DNAH8: variants seen among roughly 807,000 people sequenced by gnomAD.
DNAH8 encodes the protein axonemal beta dynein heavy chain 8.
A neutral mutation model predicts 562.1 loss-of-function variants in DNAH8; 382 were observed. That is an observed-to-expected ratio of 0.68 (90% CI 0.63 to 0.74). The LOEUF is 0.74. DNAH8 is among the 30% of genes least tolerant of loss of function. DNAH8 has a pLI of 0.00. For missense variants in DNAH8, 5,203 were observed against 5,620.4 expected (o/e 0.93, Z 2.37); for synonymous variants, 1,881 against 1,919.4 (o/e 0.98, Z 0.52).
At chr6:39,024,602 A>G (rs909885610) in intron 91 of DNAH8, among the ~76,000 whole-genome samples, 1 of 152,202 alleles carries the variant, frequency 6.6e-6, no homozygotes, top group African/African-American at 2.4e-5. Flanking sequence ...TGAGGTGGGA[A>G]GATCACTTGA....
At chr6:38,960,085 C>CCTAT (rs1762509740) in intron 82 of DNAH8, among the ~76,000 whole-genome samples, 1 of 151,862 alleles carries the variant, frequency 6.6e-6, no homozygotes, top group Non-Finnish European at 1.5e-5. Context: ...GAAACTAGAC[C>CCTAT]CTATCTCTCA....
At position 38,909,675 on chromosome 6, in the gene DNAH8, G is replaced by A. The variant is rs775998449; in HGVS notation, c.9671G>A (p.Arg3224Lys). 6.2e-6 allele frequency: 10 copies of A among 1,613,996 alleles called. No homozygotes were observed. The highest frequency in any genetic ancestry group is 5.1e-6 in the Non-Finnish European group (6 of 1,179,984). The change falls in exon 65 of 93, where the codon AGA becomes AAA. Residue 3224 changes from arginine (R) to lysine (K), a missense_variant. This residue lies in a region of DNAH8 where 977 missense variants were observed against 1,061.8 expected (regional missense o/e 0.92). Transcript: ENST00000327475. ...YNIVCSSEIK[R>K]QVVETMGLFH... ...ATTGTCTGCTCTAGTGAAATTAAAA[G>A]ACAAGTTGTAGAAACAATGGGCCTG...
chr6:38,918,723 G>A (rs1472342673), intron 70 of DNAH8, among the ~76,000 whole-genome samples: 1 of 152,172 alleles, frequency 6.6e-6, no homozygotes, highest in African/African-American at 2.4e-5. Flanking sequence ...GCCAAAGCTG[G>A]TCTTCATGGA....
At chr6:38,972,182 G>C (rs1583481204) in intron 83 of DNAH8, 1 of 152,188 alleles carries the variant, frequency 6.6e-6, no homozygotes, top group Non-Finnish European at 1.5e-5. Flanking sequence ...AAATACACAG[G>C]ACATTAATTT....
chr6:38,861,944 A>G (rs1583208701), intron 43 of DNAH8, among the ~76,000 whole-genome samples: 1 of 100,238 alleles, frequency 1.0e-5, no homozygotes, highest in Non-Finnish European at 2.1e-5. Context: ...AAACATGAAA[A>G]CCAGGTTTTT....
chr6:39,022,453 G>A (rs1766983994), intron 91 of DNAH8, among the ~76,000 whole-genome samples: 1 of 152,158 alleles, frequency 6.6e-6, no homozygotes, highest in South Asian at 2.1e-4. Context: ...CAGGCTTGGT[G>A]ACCAACCCTT....
intron 82 of DNAH8, among the ~76,000 whole-genome samples, chr6:38,971,308 T>C (rs1358321818): frequency 6.6e-6 from 1 of 152,122 alleles, no homozygotes; most frequent in Non-Finnish European, 1.5e-5. Context: ...TGTTCCTCAT[T>C]GTCTCCAAAG....
At chr6:38,935,519 C>T (rs1782877882) in intron 76 of DNAH8, 73 bp from the exon 77 acceptor site, 4 of 1,006,014 alleles carry the variant, frequency 4.0e-6, no homozygotes, top group Non-Finnish European at 5.9e-6. Flanking sequence ...TGTTAATAAA[C>T]ACTAGTGAGT....
At chr6:38,866,026 CTACTTT>C (rs1777005612) in intron 45 of DNAH8, among the ~76,000 whole-genome samples, 1 of 152,174 alleles carries the variant, frequency 6.6e-6, no homozygotes, top group Admixed American at 6.5e-5. Context: ...CTGTCTGTCT[CTACTTT>C]TGTCCATTTC....
chr6:38,959,380 T>TG (rs1762467438), intron 82 of DNAH8, among the ~76,000 whole-genome samples: 1 of 152,044 alleles, frequency 6.6e-6, no homozygotes, highest in South Asian at 2.1e-4. Flanking sequence ...ACCCTACAGA[T>TG]GCCACCAAAG....
At position 38,737,889 on chromosome 6, in the gene DNAH8, G is replaced by T; in HGVS notation, c.1033G>T (p.Glu345Ter). ...TTTTTCCAAACTGCACACCTTTGAA[G>T]AAGTAACTGCTGCAGCCAGCAACTC... ...VNFSKLHTFE[E>*]VTAAASNSET... The change falls in exon 7 of 93, where the codon GAA becomes TAA. Residue 345 changes from glutamate to a stop codon, truncating the protein, a stop_gained. Transcript: ENST00000327475. LOFTEE classifies it high-confidence loss of function. The T allele has an allele frequency of 6.2e-7, 1 of 1,604,756 alleles. No individual in the cohort carries two copies. The highest frequency in any genetic ancestry group is 8.5e-7 in the Non-Finnish European group (1 of 1,176,592).
chr6:38,788,539 T>G (rs1769404835), intron 18 of DNAH8, among the ~76,000 whole-genome samples: 1 of 152,212 alleles, frequency 6.6e-6, no homozygotes, highest in South Asian at 2.1e-4. Context: ...TGGCTGGTGA[T>G]TTTTGAGCAT....
intron 85 of DNAH8, among the ~76,000 whole-genome samples, chr6:38,976,086 G>A (rs1365061158): frequency 6.6e-6 from 1 of 152,220 alleles, no homozygotes; most frequent in Admixed American, 6.5e-5. Flanking sequence ...GTTACCAGTG[G>A]AGTGTCCAGG....
intron 7 of DNAH8, among the ~76,000 whole-genome samples, chr6:38,739,233 G>A (rs1229290935): frequency 6.6e-6 from 1 of 151,904 alleles, no homozygotes; most frequent in African/African-American, 2.4e-5. Flanking sequence ...GTTTCATTTG[G>A]TATAGTGCCT....
chr6:38,890,472 T>C (rs922686478), intron 57 of DNAH8, among the ~76,000 whole-genome samples, 180 bp from the exon 58 acceptor site: 2 of 152,186 alleles, frequency 1.3e-5, no homozygotes, highest in African/African-American at 4.8e-5. Flanking sequence ...ATAAAACACT[T>C]ATCACTGCGT....
intron 91 of DNAH8, among the ~76,000 whole-genome samples, chr6:39,019,946 G>A (rs1374978214): frequency 6.6e-6 from 1 of 152,152 alleles, no homozygotes; most frequent in Non-Finnish European, 1.5e-5. Context: ...CAACCTGGCG[G>A]AAGGTGGAAA....
In DNAH8 at chr6:38,810,458, G is replaced by A. The variant is rs546737151; in HGVS notation, c.3257+2742G>A. Reference sequence around the variant, plus strand: ...AATACAAAAAGTAGGCAGGTGTGGTGGTGCACGCCTGTAGTCCCAGCTGCT... The same window carrying A: ...AATACAAAAAGTAGGCAGGTGTGGTAGTGCACGCCTGTAGTCCCAGCTGCT... On this transcript the variant is annotated intron_variant, in intron 24 of 92. Transcript: ENST00000327475. 6.6e-5 allele frequency among the ~76,000 whole-genome samples: 10 copies of A among 152,210 alleles called. No individual in the cohort carries two copies. In the South Asian group the frequency reaches 1.9e-3, roughly 28 times the overall value.
intron 26 of DNAH8, among the ~76,000 whole-genome samples, chr6:38,816,956 G>C (rs1187877006): frequency 6.6e-6 from 1 of 151,986 alleles, no homozygotes; most frequent in Non-Finnish European, 1.5e-5. Context: ...CTCTTCAACT[G>C]GTCTCTTTAA....
chr6:38,889,329 G>C (rs1779178195), intron 57 of DNAH8, among the ~76,000 whole-genome samples: 2 of 151,474 alleles, frequency 1.3e-5, no homozygotes, highest in Non-Finnish European at 1.5e-5. Context: ...TTTTTTACCA[G>C]TTCAGAAGTT....
Sources: gnomAD v4.1 joint callset for allele counts (sites outside exome capture counted in the v4.1 genomes callset) on GRCh38, gnomAD v4.1.1 for gene constraint, gnomAD v4.1.1 regional missense constraint, MANE v1.5 for transcripts, NCBI Gene and HGNC (gene_info 2026-07-23, HGNC 2026-07-21) for gene names.